Variants in AFF3 observed in about 807,000 individuals in gnomAD.
AFF3 encodes ALF transcription elongation factor 3.
AFF3 carries 32 observed loss-of-function variants against 129.7 expected under a neutral mutation model. The ratio of observed to expected loss-of-function variants is 0.25; its 90% CI spans 0.19 to 0.33. The LOEUF (loss-of-function observed/expected upper bound fraction) is 0.33. Among genes scored for constraint, AFF3 ranks in the 10% least tolerant of loss-of-function variants. AFF3 has a pLI of 1.00. For synonymous variants in AFF3, 644 were observed against 635.4 expected, an observed-to-expected ratio of 1.01 and a Z score of -0.20; for missense variants, 1,373 against 1,592.0, an observed-to-expected ratio of 0.86 and a Z score of 2.34.
intron 4 of AFF3, among the ~76,000 whole-genome samples, chr2:100,013,944 C>CT (rs1005449979): frequency 2.6e-4 from 40 of 152,210 alleles, no homozygotes; most frequent in African/African-American, 8.2e-4. Context: ...ATTCATTAGC[C>CT]TGCTCCAATC....
intron 11 of AFF3, among the ~76,000 whole-genome samples, chr2:99,675,348 G>T (rs562237740): frequency 6.6e-6 from 1 of 152,184 alleles, no homozygotes; most frequent in East Asian, 1.9e-4. Flanking sequence ...AGCAATCCTG[G>T]GTGATGCTAT....
chr2:99,606,689 G>A (rs1052732582), intron 13 of AFF3, among the ~76,000 whole-genome samples: 7 of 151,520 alleles, frequency 4.6e-5, no homozygotes, highest in African/African-American at 7.3e-5. Flanking sequence ...AAGCCGAGGC[G>A]GGAGGATCAC....
rs183837357 is a variant in AFF3 at position 99,615,407 on chromosome 2, G to A, written c.1185-13786C>T. On this transcript the variant is annotated intron_variant, in intron 13 of 24. Transcript: ENST00000672756. The stretch of plus-strand genomic sequence containing the variant: ...CTGTGACAAGCGGCAGCTGCCTTCT[G>A]GTGATACAACTCGCCTCCCCACTTT... 4.2e-3 allele frequency among the ~76,000 whole-genome samples: 642 copies of A among 152,358 alleles called. 4 individuals are homozygous for A. The highest frequency in any genetic ancestry group is 7.8e-3 in the Non-Finnish European group (529 of 68,040).
intron 8 of AFF3, among the ~76,000 whole-genome samples, chr2:99,754,535 TC>T (rs1397303518): frequency 1.3e-5 from 2 of 152,116 alleles, no homozygotes; most frequent in African/African-American, 4.8e-5. Context: ...GTAGCTAAAA[TC>T]CAAAAAGATA....
chr2:99,803,066 C>T (rs1020595100), intron 8 of AFF3, among the ~76,000 whole-genome samples: 2 of 151,956 alleles, frequency 1.3e-5, no homozygotes, highest in Non-Finnish European at 2.9e-5. Flanking sequence ...TCAACTTTTC[C>T]CCATTCAGTA....
At chr2:99,953,688 A>G (rs1033989161) in intron 7 of AFF3, among the ~76,000 whole-genome samples, 1 of 152,246 alleles carries the variant, frequency 6.6e-6, no homozygotes, top group African/African-American at 2.4e-5. Context: ...TTTATATAGA[A>G]GATGAGAAAA....
chr2:100,108,722 T>C (rs1691409129), intron 2 of AFF3, among the ~76,000 whole-genome samples: 1 of 152,102 alleles, frequency 6.6e-6, no homozygotes, highest in African/African-American at 2.4e-5. Context: ...ATTTGGACTA[T>C]CTGTCCCTGC....
At chr2:99,903,435 C>T (rs1694493739) in intron 7 of AFF3, among the ~76,000 whole-genome samples, 1 of 152,082 alleles carries the variant, frequency 6.6e-6, no homozygotes, top group Non-Finnish European at 1.5e-5. Context: ...AGGTATGTAT[C>T]TTGCATTTAA....
At chr2:99,866,249 A>G (rs1180482053) in intron 7 of AFF3, among the ~76,000 whole-genome samples, 1 of 152,212 alleles carries the variant, frequency 6.6e-6, no homozygotes, top group Admixed American at 6.5e-5. Flanking sequence ...CCAACTCCAC[A>G]TGGTGTTCAG....
At chr2:99,849,099 A>G (rs961677748) in intron 7 of AFF3, among the ~76,000 whole-genome samples, 2 of 152,110 alleles carry the variant, frequency 1.3e-5, no homozygotes, top group African/African-American at 4.8e-5. Context: ...GATGACAGAG[A>G]AAAGCATGAT....
rs535034038 is a variant in AFF3 at position 99,676,727 on chromosome 2, A to G, written c.1092-4138T>C. Reference sequence around the variant, plus strand: ...GGGCCATTTGCTCTATTTTCAGGCCATTTTGAAAAGAAAGGGTCATGTTCC... The same window carrying G: ...GGGCCATTTGCTCTATTTTCAGGCCGTTTTGAAAAGAAAGGGTCATGTTCC... On this transcript the variant is annotated intron_variant, in intron 11 of 24. Transcript: ENST00000672756. 3.9e-5 allele frequency among the ~76,000 whole-genome samples: 6 copies of G among 152,320 alleles called. No homozygotes were observed. The South Asian group carries it at 1.2e-3, about 32-fold the overall frequency.
chr2:99,845,734 A>T (rs1689670352), intron 7 of AFF3, among the ~76,000 whole-genome samples: 2 of 152,234 alleles, frequency 1.3e-5, no homozygotes, highest in Non-Finnish European at 2.9e-5. Flanking sequence ...TGCTGAAGTC[A>T]TTTAATCCTC....
chr2:99,554,266 C>T (rs1298519698), intron 24 of AFF3, 45 bp downstream of exon 24: 5 of 1,604,290 alleles, frequency 3.1e-6, no homozygotes, highest in Non-Finnish European at 4.3e-6. Context: ...ATCGCTTGAA[C>T]CCGGGAGGCG....
In AFF3 at chr2:99,550,689, G is replaced by C. The variant is rs1169707340; in HGVS notation, c.*785C>G. On this transcript the variant is annotated 3_prime_UTR_variant, in exon 25 of 25. Coordinates refer to ENST00000672756, the MANE Select transcript of AFF3 (RefSeq NM_001386135.1). ...CCAACACACAGGCACTGCTACCTTA[G>C]TGTCTGTTAACTTTCAAAGACGCCG... 3 of 232,874 alleles carry C rather than the reference G, an allele frequency of 1.3e-5. No individual in the cohort carries two copies. The highest frequency in any genetic ancestry group is 2.2e-5 in the African/African-American group (1 of 45,426). 14.4% of individuals were successfully genotyped at this position (232,874 alleles called of 1,614,324 possible).
At chr2:100,080,151 T>G (rs186479869) in intron 4 of AFF3, among the ~76,000 whole-genome samples, 2 of 152,302 alleles carry the variant, frequency 1.3e-5, no homozygotes, top group Admixed American at 1.3e-4. Flanking sequence ...CAAATCAGAA[T>G]GGCATGGTAG....
chr2:100,104,714 C>T (rs1691094340), intron 3 of AFF3, 196 bp from the exon 4 acceptor site: 1 of 965,162 alleles, frequency 1.0e-6, no homozygotes. Flanking sequence ...GAGCAGCGAG[C>T]TCGCCGCGCC....
At chr2:99,898,780 A>G (rs950304039) in intron 7 of AFF3, among the ~76,000 whole-genome samples, 3 of 152,136 alleles carry the variant, frequency 2.0e-5, no homozygotes, top group Non-Finnish European at 4.4e-5. Context: ...TTTTCATCTC[A>G]GCATAAAATT....
chr2:99,961,989 G>A (rs1315693385), intron 7 of AFF3, among the ~76,000 whole-genome samples: 1 of 152,148 alleles, frequency 6.6e-6, no homozygotes, highest in African/African-American at 2.4e-5. Context: ...CACCATGCAA[G>A]GGGGATCACC....
chr2:99,844,270 T>C (rs903150195), intron 7 of AFF3, among the ~76,000 whole-genome samples: 2 of 152,002 alleles, frequency 1.3e-5, no homozygotes, highest in African/African-American at 4.8e-5. Flanking sequence ...AAATCTACCA[T>C]TTTAAAGTAA....
Sources: allele counts gnomAD v4.1 joint callset (sites outside exome capture counted in the v4.1 genomes callset), GRCh38; gene constraint gnomAD v4.1.1; transcripts MANE v1.5; gene names NCBI Gene and HGNC (gene_info 2026-07-23, HGNC 2026-07-21).